TESPA1: variants seen among roughly 807,000 people sequenced by gnomAD.
TESPA1 encodes the protein thymocyte expressed, positive selection associated 1.
Under a neutral mutation model 57.9 loss-of-function variants are expected in TESPA1, and 33 were observed. The observed-to-expected ratio is 0.57, with a 90% CI of 0.43 to 0.76. TESPA1 has a LOEUF of 0.76. Among genes scored for constraint, TESPA1 ranks in the 30% least tolerant of loss-of-function variants. The pLI is 0.00. For synonymous variants in TESPA1, 227 were observed against 228.9 expected (o/e 0.99, Z 0.07); for missense variants, 618 against 632.9 (o/e 0.98, Z 0.25).
At position 54,966,391 on chromosome 12, in the gene TESPA1, G is replaced by A; in HGVS notation, c.344C>T (p.Ser115Phe). 1 of 1,613,848 alleles carries A rather than the reference G, an allele frequency of 6.2e-7. No individual in the cohort carries two copies. Among genetic ancestry groups the A allele is most frequent in the Non-Finnish European group, 8.5e-7 (1 of 1,179,794 alleles). The part of the protein sequence containing the change: ...TLLAANGKLF[S>F]RSFLETARPC... ...CCTGGCTGAACCTAACACTTACCTG[G>A]AGAAGAGTTTGCCATTGGCGGCCAG... The change falls in exon 6 of 11, where the codon TCC (serine) becomes TTC (phenylalanine). Residue 115 changes from serine to phenylalanine, a missense_variant. By Grantham distance (155) the Ser-to-Phe change is radical. This residue lies in a region of TESPA1 where 199 missense variants were observed against 184.0 expected (regional missense o/e 1.08). Coordinates refer to ENST00000449076, the MANE Select transcript of TESPA1 (RefSeq NM_001136030.3).
At chr12:54,976,266 A>G (rs1952131420) in intron 1 of TESPA1, among the ~76,000 whole-genome samples, 1 of 152,210 alleles carries the variant, frequency 6.6e-6, no homozygotes, top group African/African-American at 2.4e-5. Flanking sequence ...TGCCACTAGA[A>G]TGACCTTAGG....
chr12:54,954,050 G>A (rs929551777), intron 10 of TESPA1, among the ~76,000 whole-genome samples: 1 of 152,180 alleles, frequency 6.6e-6, no homozygotes, highest in Non-Finnish European at 1.5e-5. Flanking sequence ...ACATTTCAGT[G>A]GTGACAAAGG....
intron 7 of TESPA1, 67 bp from the exon 8 acceptor site, chr12:54,964,017 A>G: frequency 6.8e-7 from 1 of 1,465,058 alleles, no homozygotes; most frequent in Non-Finnish European, 9.4e-7. Context: ...GAATATCAGA[A>G]TATCTAATAA....
At position 54,974,601 on chromosome 12, in the gene TESPA1, T is replaced by A; in HGVS notation, c.-39A>T. 6.7e-7 allele frequency: 1 copy of A among 1,482,302 alleles called. No homozygotes were observed. Among genetic ancestry groups the A allele is most frequent in the South Asian group, 1.4e-5 (1 of 72,962 alleles). 91.8% of individuals were successfully genotyped at this position (1,482,302 alleles called of 1,614,324 possible). Reference sequence around the variant, plus strand: ...ACTTCAGGGCCTCCCGTAACAGTAATGCCGTCCTAAGAGTTGAAAAACAGT... The same window carrying A: ...ACTTCAGGGCCTCCCGTAACAGTAAAGCCGTCCTAAGAGTTGAAAAACAGT... On this transcript the variant is annotated 5_prime_UTR_variant, in exon 2 of 11. Transcript: ENST00000449076.
chr12:54,964,320 A>G (rs1215070037), intron 7 of TESPA1, among the ~76,000 whole-genome samples: 1 of 152,220 alleles, frequency 6.6e-6, no homozygotes, highest in Non-Finnish European at 1.5e-5. Context: ...TTGCCATCCG[A>G]CTTGCCCCAG....
At chr12:54,973,956 G>A (rs912181706) in intron 2 of TESPA1, 15 of 987,204 alleles carry the variant, frequency 1.5e-5, no homozygotes, top group Non-Finnish European at 1.8e-5. Context: ...GCTCTGAGAA[G>A]TGTAGGAAAG....
intron 6 of TESPA1, 85 bp from the exon 7 acceptor site, chr12:54,966,236 C>G: frequency 6.4e-7 from 1 of 1,560,894 alleles, no homozygotes; most frequent in Non-Finnish European, 8.8e-7. Context: ...ACTTATTCAC[C>G]CCCTGAACAG....
intron 9 of TESPA1, 70 bp downstream of exon 9, chr12:54,962,361 C>A (rs1267481820): frequency 1.3e-6 from 2 of 1,530,842 alleles, no homozygotes; most frequent in Non-Finnish European, 1.8e-6. Flanking sequence ...AGGGTTCTAA[C>A]CCTTCATCTT....
chr12:54,963,016 T>C lies in TESPA1; in HGVS notation c.882A>G (p.Thr294=). 1.2e-6 allele frequency: 2 copies of C among 1,613,840 alleles called. No homozygotes were observed. Among genetic ancestry groups the C allele is most frequent in the Non-Finnish European group, 1.7e-6 (2 of 1,179,864 alleles). ...GTGGTGGTGGCCGGTCTCGGGGGCATGTGTACAGACACATCTTGGAGATGG... is the reference window on the plus strand; with the variant it reads ...GTGGTGGTGGCCGGTCTCGGGGGCACGTGTACAGACACATCTTGGAGATGG... ...RKAISKMCLY[T]CPRDRPPPPH... is the part of the protein sequence containing the mutation. The change falls in exon 9 of 11, where the codon ACA becomes ACG. Residue 294 remains threonine, a synonymous_variant. Coordinates refer to ENST00000449076, the MANE Select transcript of TESPA1 (RefSeq NM_001136030.3).
intron 5 of TESPA1, among the ~76,000 whole-genome samples, 193 bp from the exon 6 acceptor site, chr12:54,966,617 T>A (rs1276815602): frequency 6.6e-6 from 1 of 152,200 alleles, no homozygotes; most frequent in African/African-American, 2.4e-5. Flanking sequence ...GGGACAGATA[T>A]GCCAGAGAGT....
intron 10 of TESPA1, among the ~76,000 whole-genome samples, chr12:54,954,896 A>G (rs1950637194): frequency 6.6e-6 from 1 of 152,248 alleles, no homozygotes; most frequent in Non-Finnish European, 1.5e-5. Context: ...CAGTGAAAAT[A>G]GGAGTGCTAA....
chr12:54,964,888 A>G (rs1163491898), intron 7 of TESPA1, among the ~76,000 whole-genome samples: 1 of 152,220 alleles, frequency 6.6e-6, no homozygotes, highest in Non-Finnish European at 1.5e-5. Flanking sequence ...TTAAAAATGC[A>G]TATATTTGAA....
In TESPA1 at chr12:54,962,886, G is replaced by A. The variant is rs1185375575; in HGVS notation, c.1012C>T (p.Gln338Ter). 1 of 1,613,720 alleles carries A rather than the reference G, an allele frequency of 6.2e-7. No individual in the cohort carries two copies. The highest frequency in any genetic ancestry group is 1.7e-5 in the Admixed American group (1 of 60,014). Residue 338 changes from glutamine (Q) to a stop codon, truncating the protein, a stop_gained, in exon 9 of 11, where the codon CAA (glutamine) becomes TAA (stop). Coordinates refer to ENST00000449076, the MANE Select transcript of TESPA1 (RefSeq NM_001136030.3). LOFTEE classifies it high-confidence loss of function. The stretch of plus-strand genomic sequence containing the variant: ...GGCACAGGATCTTCCTGTGAGAATT[G>A]CCCCAAATCAGAGTCTTGCTGGAGG... ...QFLQQDSDLG[Q>*]FSQEDPVPPA...
At position 54,950,158 on chromosome 12, in the gene TESPA1, T is replaced by C; in HGVS notation, c.*234A>G. The C allele has an allele frequency of 4.7e-6, 2 of 428,480 alleles. No homozygotes were observed. Among genetic ancestry groups the C allele is most frequent in the South Asian group, 1.7e-5 (1 of 59,828 alleles). 26.5% of individuals were successfully genotyped at this position (428,480 alleles called of 1,614,324 possible). On this transcript the variant is annotated 3_prime_UTR_variant, in exon 11 of 11. Transcript: ENST00000449076. ...GAGAAATGAAGAGATGTGCCTAAGGTCTTTGTGCATGCAGCTTGTGGCAGC... is the reference window on the plus strand; with the variant it reads ...GAGAAATGAAGAGATGTGCCTAAGGCCTTTGTGCATGCAGCTTGTGGCAGC...
At chr12:54,974,000 G>C (rs1202593138) in intron 2 of TESPA1, 2 of 761,950 alleles carry the variant, frequency 2.6e-6, no homozygotes, top group East Asian at 1.1e-4. Context: ...ATAAGTCTTA[G>C]AGAGGTGAGT....
Position 54,966,135 on chromosome 12 carries a change from C to A in TESPA1, c.364G>T (p.Ala122Ser). The A allele has an allele frequency of 6.4e-7, 1 of 1,570,554 alleles. No individual in the cohort carries two copies. Among genetic ancestry groups the A allele is most frequent in the Non-Finnish European group, 8.6e-7 (1 of 1,156,938 alleles). ...KLFSRSFLETARPCQLLDLGC... is the reference protein window; with the variant it reads ...KLFSRSFLETSRPCQLLDLGC... ...AGATCAAGTAGCTGGCAAGGCCTGG[C>A]TGTCTCGAGGAAACTCCTGCAGAGA... Residue 122 changes from alanine (A) to serine (S), a missense_variant, in exon 7 of 11, where the codon GCC becomes TCC. Physicochemically the swap from Ala to Ser is moderately conservative, Grantham distance 99 (BLOSUM62 1). This residue lies in a region of TESPA1 where 199 missense variants were observed against 184.0 expected (regional missense o/e 1.08). Coordinates refer to ENST00000449076, the MANE Select transcript of TESPA1 (RefSeq NM_001136030.3).
intron 1 of TESPA1, among the ~76,000 whole-genome samples, chr12:54,975,682 G>GAAATAAAATAAAATA (rs1300550089): frequency 1.0e-4 from 11 of 106,172 alleles, no homozygotes; most frequent in South Asian, 2.4e-4. Context: ...TTTAACTATT[G>GAAATAAAATAAAATA]GAATAAAATA....
intron 10 of TESPA1, among the ~76,000 whole-genome samples, chr12:54,959,142 G>A (rs1950923057): frequency 6.6e-6 from 1 of 152,162 alleles, no homozygotes; most frequent in African/African-American, 2.4e-5. Flanking sequence ...GAAGGGAAGC[G>A]TTCCATGGTC....
chr12:54,977,606 G>A (rs1952180662), intron 1 of TESPA1, among the ~76,000 whole-genome samples: 1 of 152,196 alleles, frequency 6.6e-6, no homozygotes, highest in African/African-American at 2.4e-5. Context: ...ATGCTTAAGA[G>A]TTCCAAAGAA....
Sources: gnomAD v4.1 joint callset for allele counts (sites outside exome capture counted in the v4.1 genomes callset) on GRCh38, gnomAD v4.1.1 for gene constraint, gnomAD v4.1.1 regional missense constraint, MANE v1.5 for transcripts, NCBI Gene and HGNC (gene_info 2026-07-23, HGNC 2026-07-21) for gene names.